Variants in EYS observed in about 807,000 individuals in gnomAD.
EYS encodes the protein protein eyes shut homolog.
EYS carries 250 observed loss-of-function variants against 282.1 expected under a neutral mutation model. The ratio of observed to expected loss-of-function variants is 0.89; its 90% CI spans 0.80 to 0.98. The LOEUF is 0.98. Among genes scored for constraint, EYS ranks in the 50% least tolerant of loss-of-function variants. The pLI is 0.00. For synonymous variants in EYS, 1,355 were observed against 1,282.9 expected (o/e 1.06, Z -1.20); for missense variants, 4,016 against 3,709.0 (o/e 1.08, Z -2.15).
chr6:63,871,198 A>C (rs557632602), intron 35 of EYS, among the ~76,000 whole-genome samples: 3 of 152,240 alleles, frequency 2.0e-5, no homozygotes, highest in African/African-American at 2.4e-5. Context: ...ATCTGAGCTG[A>C]GATGCAAGAA....
chr6:64,909,771 T>A (rs921586535), intron 16 of EYS, among the ~76,000 whole-genome samples: 1 of 151,784 alleles, frequency 6.6e-6, no homozygotes, highest in Admixed American at 6.6e-5. Flanking sequence ...ATATATATAT[T>A]TTTTACTATG....
In EYS at chr6:64,430,310, G is replaced by C. The variant is rs576543893; in HGVS notation, c.5927+5864C>G. 9.1e-4 allele frequency among the ~76,000 whole-genome samples: 138 copies of C among 152,254 alleles called. No homozygotes were observed. In the Middle Eastern group the frequency reaches 0.024, roughly 26 times the overall value. On this transcript the variant is annotated intron_variant, in intron 28 of 42. Coordinates refer to ENST00000503581, the MANE Select transcript of EYS (RefSeq NM_001142800.2). The stretch of plus-strand genomic sequence containing the variant: ...CACATAAGAAGGTATATGATGTGAT[G>C]ATGAAACAATTTTTCATTCCTAGGC...
At chr6:64,074,113 A>C (rs1458089107) in intron 32 of EYS, among the ~76,000 whole-genome samples, 1 of 151,726 alleles carries the variant, frequency 6.6e-6, no homozygotes, top group Non-Finnish European at 1.5e-5. Flanking sequence ...TCCAGACTAC[A>C]TTTCAAAACT....
intron 12 of EYS, among the ~76,000 whole-genome samples, chr6:65,188,134 T>C (rs1765556721): frequency 6.6e-6 from 1 of 151,632 alleles, no homozygotes; most frequent in African/African-American, 2.4e-5. Flanking sequence ...CTCATATCAA[T>C]CTTATTAGAA....
At chr6:65,673,074 G>A (rs1213153830) in intron 1 of EYS, among the ~76,000 whole-genome samples, 1 of 152,120 alleles carries the variant, frequency 6.6e-6, no homozygotes, top group African/African-American at 2.4e-5. Flanking sequence ...TGATTCTTCA[G>A]TTGCTTCAGG....
intron 11 of EYS, chr6:65,330,260 T>A: frequency 1.1e-6 from 1 of 950,368 alleles, no homozygotes; most frequent in Middle Eastern, 5.4e-4. Flanking sequence ...TTAGAGGAGA[T>A]TCAATAAATA....
intron 26 of EYS, among the ~76,000 whole-genome samples, chr6:64,461,087 C>CA (rs1775728741): frequency 6.6e-6 from 1 of 152,102 alleles, no homozygotes; most frequent in Non-Finnish European, 1.5e-5. Context: ...GGAGTGCTTC[C>CA]TGCAGGTGAA....
At chr6:64,741,909 A>G (rs2149961660) in intron 22 of EYS, among the ~76,000 whole-genome samples, 1 of 152,228 alleles carries the variant, frequency 6.6e-6, no homozygotes, top group African/African-American at 2.4e-5. Context: ...TCTTCCTAGG[A>G]GCAATGAGGC....
intron 35 of EYS, among the ~76,000 whole-genome samples, chr6:63,975,108 C>CA (rs199610463): frequency 0.07 from 8,903 of 126,736 alleles, 660 homozygotes; most frequent in African/African-American, 0.21. Context: ...AGAAATGAGA[C>CA]AAAAAAAAAA....
chr6:64,797,416 G>A (rs1355206752), intron 22 of EYS, among the ~76,000 whole-genome samples: 2 of 151,968 alleles, frequency 1.3e-5, no homozygotes, highest in Non-Finnish European at 2.9e-5. Context: ...ACATTTCCAT[G>A]GACCCATACG....
At chr6:64,500,251 G>A (rs1469450336) in intron 26 of EYS, among the ~76,000 whole-genome samples, 1 of 151,916 alleles carries the variant, frequency 6.6e-6, no homozygotes, top group Non-Finnish European at 1.5e-5. Flanking sequence ...AAGGTAAATG[G>A]AATAGACATC....
intron 24 of EYS, among the ~76,000 whole-genome samples, chr6:64,603,379 T>C (rs549979604): frequency 1.9e-4 from 29 of 152,002 alleles, no homozygotes; most frequent in African/African-American, 6.5e-4. Context: ...ACATAATGAG[T>C]TGAAGCGGAA....
chr6:64,955,468 C>T (rs939382581), intron 14 of EYS, among the ~76,000 whole-genome samples: 3 of 152,038 alleles, frequency 2.0e-5, no homozygotes, highest in African/African-American at 4.8e-5. Flanking sequence ...AGAGGCAGTG[C>T]GCATGGAAAC....
chr6:64,173,030 G>A (rs993709927), intron 31 of EYS, among the ~76,000 whole-genome samples: 2 of 152,122 alleles, frequency 1.3e-5, no homozygotes, highest in East Asian at 1.9e-4. Flanking sequence ...TATGTCCCAG[G>A]TACTAGCTAT....
chr6:64,802,671 C>T lies in EYS; in HGVS notation c.3443+10707G>A, dbSNP rs563139504. ...TATGCAGATAAGTTATTTTTAACAT[C>T]ATCCCTTCTCTGTTATTCTCCATTA... On this transcript the variant is annotated intron_variant, in intron 22 of 42. Coordinates refer to ENST00000503581, the MANE Select transcript of EYS (RefSeq NM_001142800.2). Among the ~76,000 whole-genome samples the T allele has an allele frequency of 4.6e-5, 7 of 152,262 alleles. 1 individual carries two copies. In the South Asian group the frequency reaches 1.5e-3, roughly 32 times the overall value.
chr6:64,945,081 T>A (rs1039805118), intron 15 of EYS, among the ~76,000 whole-genome samples: 6 of 148,168 alleles, frequency 4.0e-5, no homozygotes, highest in Admixed American at 2.7e-4. Context: ...AGGTCCTTGG[T>A]ATGCTGAGTG....
intron 36 of EYS, among the ~76,000 whole-genome samples, chr6:63,829,890 C>G (rs187736620): frequency 1.3e-5 from 2 of 152,180 alleles, no homozygotes; most frequent in African/African-American, 4.8e-5. Context: ...CAGGCAGCAA[C>G]GTCTGCCATT....
rs190635690 is a variant in EYS, at chr6:65,287,310, C to G, written c.2023+8553G>C. Among the ~76,000 whole-genome samples the G allele has an allele frequency of 7.3e-5, 11 of 151,572 alleles. No homozygotes were observed. The East Asian group carries it at 2.1e-3, about 29-fold the overall frequency. The stretch of plus-strand genomic sequence containing the variant: ...AGCATAAATGCTAAACATATCATTA[C>G]AAATACTTCATGTTATGATGAATAT... On this transcript the variant is annotated intron_variant, in intron 12 of 42. Transcript: ENST00000503581.
chr6:64,821,581 C>A (rs1312638410), intron 21 of EYS, 64 bp downstream of exon 21: 2 of 815,678 alleles, frequency 2.5e-6, no homozygotes, highest in Non-Finnish European at 3.9e-6. Flanking sequence ...CTACAGCAAG[C>A]AATTTGATTT....
Sources: gnomAD v4.1 joint callset for allele counts (sites outside exome capture counted in the v4.1 genomes callset) on GRCh38, gnomAD v4.1.1 for gene constraint, MANE v1.5 for transcripts, NCBI Gene and HGNC (gene_info 2026-07-23, HGNC 2026-07-21) for gene names.